Variants in NCOR1 observed in about 807,000 individuals in gnomAD.
NCOR1 encodes the protein protein phosphatase 1, regulatory subunit 109.
A neutral mutation model predicts 288.1 loss-of-function variants in NCOR1; 63 were observed. The ratio of observed to expected loss-of-function variants is 0.22; its 90% CI spans 0.18 to 0.27. NCOR1 has a LOEUF of 0.27. Ranked by LOEUF, NCOR1 falls within the 10% of genes least tolerant of loss-of-function variation. The probability of loss-of-function intolerance (pLI) is 1.00; values close to 1 mark genes in which losing one functional copy is unlikely to be tolerated. For synonymous variants in NCOR1, 1,007 were observed against 1,065.9 expected (o/e 0.94, Z 1.08); for missense variants, 2,397 against 3,019.2 (o/e 0.79, Z 4.83).
Position 16,035,038 on chromosome 17 carries a change from C to G in NCOR1, c.6956-94G>C, listed in dbSNP as rs74989478. 154 of 1,198,506 alleles carry G rather than the reference C, an allele frequency of 1.3e-4. 1 individual carries two copies. The East Asian group carries it at 3.8e-3, about 30-fold the overall frequency. 74.2% of individuals were successfully genotyped at this position (1,198,506 alleles called of 1,614,324 possible). On this transcript the variant is annotated intron_variant, in intron 44 of 45. Coordinates refer to ENST00000268712, the MANE Select transcript of NCOR1 (RefSeq NM_006311.4). ...TATATATTGCTAAATGAAAAAAAAG[C>G]AGAATGGTAACATGAAGAATCCAGA...
intron 2 of NCOR1, among the ~76,000 whole-genome samples, chr17:16,188,064 T>C (rs1043976369): frequency 2.0e-5 from 3 of 152,146 alleles, no homozygotes; most frequent in Non-Finnish European, 2.9e-5. Context: ...CAGGTAGTGG[T>C]GATAGCTGCA....
At chr17:16,112,615 C>T (rs1466689969) in intron 18 of NCOR1, among the ~76,000 whole-genome samples, 2 of 152,082 alleles carry the variant, frequency 1.3e-5, no homozygotes, top group African/African-American at 4.8e-5. Context: ...ACTGGCCTCC[C>T]GAGTAGCTGG....
chr17:16,163,699 C>T (rs1480476623), intron 5 of NCOR1, among the ~76,000 whole-genome samples: 1 of 152,144 alleles, frequency 6.6e-6, no homozygotes, highest in Non-Finnish European at 1.5e-5. Context: ...AAAACGAGTA[C>T]ATGAATCTCA....
chr17:16,069,197 C>G (rs1484221857), intron 31 of NCOR1, among the ~76,000 whole-genome samples: 1 of 152,104 alleles, frequency 6.6e-6, no homozygotes, highest in African/African-American at 2.4e-5. Context: ...TCTGCCTGCC[C>G]AAAGAAAGAA....
In NCOR1 at chr17:16,137,413, C is replaced by A; in HGVS notation, c.1408-1G>T. On this transcript the variant is annotated splice_acceptor_variant, in intron 13 of 45. Coordinates refer to ENST00000268712, the MANE Select transcript of NCOR1 (RefSeq NM_006311.4). LOFTEE classifies it high-confidence loss of function. ...AATACAAAACACAATCAGGAACACT[C>A]TGTAAGAAATAAAACAATTATTTTT... 6.8e-7 allele frequency: 1 copy of A among 1,463,214 alleles called. No homozygotes were observed. Among genetic ancestry groups the A allele is most frequent in the South Asian group, 1.4e-5 (1 of 73,854 alleles). 90.6% of individuals were successfully genotyped at this position (1,463,214 alleles called of 1,614,324 possible).
At chr17:16,106,631 C>A (rs1015691588) in intron 19 of NCOR1, among the ~76,000 whole-genome samples, 6 of 151,840 alleles carry the variant, frequency 4.0e-5, no homozygotes, top group South Asian at 2.1e-4. Flanking sequence ...ACTTGCCACA[C>A]AATAAACAGT....
At chr17:16,167,990 A>C (rs1391217480) in intron 4 of NCOR1, among the ~76,000 whole-genome samples, 1 of 152,144 alleles carries the variant, frequency 6.6e-6, no homozygotes, top group Non-Finnish European at 1.5e-5. Flanking sequence ...TAACAACTCA[A>C]TGTAAAATAA....
intron 1 of NCOR1, among the ~76,000 whole-genome samples, chr17:16,201,617 A>C (rs776515202): frequency 6.6e-6 from 1 of 152,168 alleles, no homozygotes; most frequent in African/African-American, 2.4e-5. Flanking sequence ...TAATAAATAC[A>C]TAATTCTTAA....
chr17:16,065,438 G>C (rs1229886243), intron 33 of NCOR1, 47 bp downstream of exon 33: 6 of 1,587,812 alleles, frequency 3.8e-6, no homozygotes, highest in Admixed American at 1.7e-5. Context: ...AGAAACACTA[G>C]GTAAACATAA....
At chr17:16,209,490 G>A (rs1323421034) in intron 1 of NCOR1, among the ~76,000 whole-genome samples, 1 of 152,076 alleles carries the variant, frequency 6.6e-6, no homozygotes, top group South Asian at 2.1e-4. Context: ...GGGAGGCCAT[G>A]GTGGGAGGAT....
chr17:16,041,414 T>TTTTTTC (rs1269153936), intron 42 of NCOR1: 2 of 148,580 alleles, frequency 1.3e-5, no homozygotes, highest in African/African-American at 5.0e-5. Flanking sequence ...CTTTTTTTTT[T>TTTTTTC]TTTTTTTTCC....
At chr17:16,051,804 C>CG (rs2059345074) in intron 40 of NCOR1, among the ~76,000 whole-genome samples, 1 of 151,978 alleles carries the variant, frequency 6.6e-6, no homozygotes, top group Non-Finnish European at 1.5e-5. Context: ...CCCAGCTACT[C>CG]GAGAGGCTGA....
chr17:16,122,176 A>G (rs1231187244), intron 15 of NCOR1, among the ~76,000 whole-genome samples: 1 of 152,138 alleles, frequency 6.6e-6, no homozygotes. Flanking sequence ...ATACTGGAAG[A>G]CCATTTTCTG....
intron 1 of NCOR1, among the ~76,000 whole-genome samples, chr17:16,196,857 G>GA (rs146070528): frequency 6.8e-6 from 1 of 146,694 alleles, no homozygotes; most frequent in African/African-American, 2.5e-5. Context: ...AAAAAAAAAA[G>GA]AAAAAAATAA....
rs1442159127 is a variant in NCOR1 at position 16,089,445 on chromosome 17, G to A, written c.3016+2418C>T. Among the ~76,000 whole-genome samples the A allele has an allele frequency of 5.9e-5, 9 of 151,516 alleles. No homozygotes were observed. The East Asian group carries it at 1.2e-3, about 19-fold the overall frequency. ...TGGTAAGTGAAAACAATTCTCTAAG[G>A]TTTTTTTTCAACCTTTTCTACAGAT... On this transcript the variant is annotated intron_variant, in intron 22 of 45. Coordinates refer to ENST00000268712, the MANE Select transcript of NCOR1 (RefSeq NM_006311.4).
chr17:16,074,312 G>C (rs1036484351), intron 27 of NCOR1, among the ~76,000 whole-genome samples: 1 of 152,132 alleles, frequency 6.6e-6, no homozygotes, highest in Non-Finnish European at 1.5e-5. Context: ...ATATGGGTGA[G>C]ACTGAAGGTA....
intron 22 of NCOR1, among the ~76,000 whole-genome samples, chr17:16,090,314 T>A (rs558104189): frequency 1.3e-5 from 2 of 152,310 alleles, no homozygotes; most frequent in South Asian, 4.1e-4. Context: ...TTACTACTTC[T>A]TCACAAAATC....
chr17:16,157,741 T>G (rs1402989198), intron 6 of NCOR1, among the ~76,000 whole-genome samples: 1 of 152,100 alleles, frequency 6.6e-6, no homozygotes, highest in African/African-American at 2.4e-5. Context: ...CACTGTGGAC[T>G]TCTGGAAGCC....
chr17:16,099,908 T>C (rs2067290640), intron 20 of NCOR1, among the ~76,000 whole-genome samples: 1 of 152,218 alleles, frequency 6.6e-6, no homozygotes, highest in Non-Finnish European at 1.5e-5. Flanking sequence ...ATCAGCACTA[T>C]AATGCTCCAT....
Sources: gnomAD v4.1 joint callset for allele counts (sites outside exome capture counted in the v4.1 genomes callset) on GRCh38, gnomAD v4.1.1 for gene constraint, MANE v1.5 for transcripts, NCBI Gene and HGNC (gene_info 2026-07-23, HGNC 2026-07-21) for gene names.